The following DPF3 variants were observed in gnomAD, a reference collection of about 807,000 sequenced individuals.
The protein encoded by DPF3 is zinc finger protein DPF3.
Under a neutral mutation model 56.8 loss-of-function variants are expected in DPF3, and 18 were observed. The observed-to-expected ratio is 0.32, with a 90% CI of 0.22 to 0.47. The LOEUF (loss-of-function observed/expected upper bound fraction) is 0.47, where lower values mean the gene tolerates loss of function less well. Among genes scored for constraint, DPF3 ranks in the 20% least tolerant of loss-of-function variants. DPF3 has a pLI of 1.00. For missense variants in DPF3, 403 were observed against 488.8 expected (o/e 0.82, Z 1.65); for synonymous variants, 188 against 180.2 (o/e 1.04, Z -0.35).
At chr14:72,679,895 C>T (rs1412571620) in intron 7 of DPF3, among the ~76,000 whole-genome samples, 2 of 152,144 alleles carry the variant, frequency 1.3e-5, no homozygotes, top group African/African-American at 4.8e-5. Flanking sequence ...GCTTGGGGGC[C>T]GGAGATGAGA....
intron 8 of DPF3, among the ~76,000 whole-genome samples, chr14:72,638,880 G>A (rs1367784851): frequency 6.6e-6 from 1 of 150,918 alleles, no homozygotes; most frequent in African/African-American, 2.4e-5. Context: ...GCAGTGGCGT[G>A]ATCTTGGCTC....
Position 72,617,945 on chromosome 14 carries a change from T to C in DPF3, c.*1352A>G, listed in dbSNP as rs1183114201. Among the ~76,000 whole-genome samples the C allele has an allele frequency of 2.0e-5, 3 of 152,084 alleles. No individual in the cohort carries two copies. The highest frequency in any genetic ancestry group is 1.3e-4 in the Admixed American group (2 of 15,266). ...GATTTTTCCAGAAATATGTCAGTTA[T>C]TGTGCTGCTGCTGCGATTCAAAGTC... is the stretch of plus-strand genomic sequence containing the variant. On this transcript the variant is annotated 3_prime_UTR_variant, in exon 11 of 11. Coordinates refer to ENST00000556509, the MANE Select transcript of DPF3 (RefSeq NM_001280542.3).
At chr14:72,767,680 A>C (rs1805637294) in intron 2 of DPF3, among the ~76,000 whole-genome samples, 1 of 149,874 alleles carries the variant, frequency 6.7e-6, no homozygotes, top group South Asian at 2.2e-4. Flanking sequence ...GTGTTGTTGA[A>C]GTCCGAGAAG....
At position 72,796,038 on chromosome 14, in the gene DPF3, G is replaced by A. The variant is rs8021035; in HGVS notation, c.33-24145C>T. 1.0e-2 allele frequency among the ~76,000 whole-genome samples: 1,522 copies of A among 152,326 alleles called. 27 individuals are homozygous for A. Among genetic ancestry groups the A allele is most frequent in the African/African-American group, 0.035 (1,449 of 41,572 alleles). ...AAACTGAGGCTAGGACCAAAGGAAC[G>A]AAGACTTTATCTTACATGAATCATT... On this transcript the variant is annotated intron_variant, in intron 1 of 10. Coordinates refer to ENST00000556509, the MANE Select transcript of DPF3 (RefSeq NM_001280542.3).
chr14:72,664,097 C>T (rs1886343335), intron 8 of DPF3, among the ~76,000 whole-genome samples: 1 of 152,138 alleles, frequency 6.6e-6, no homozygotes, highest in African/African-American at 2.4e-5. Context: ...CTGCCTCTAG[C>T]TCCTTCCCTT....
At chr14:72,737,121 C>G (rs748762407) in intron 3 of DPF3, among the ~76,000 whole-genome samples, 5 of 151,380 alleles carry the variant, frequency 3.3e-5, no homozygotes, top group Non-Finnish European at 7.4e-5. Context: ...AAGAAAAAAC[C>G]TCCGAGACAA....
rs1297031355 is a variant in DPF3, at chr14:72,861,783, G to GAA, written c.32+32272_32+32273dup. ...AGAAAGAAAGAAAGAAAGAAAGAAA[G>GAA]AAAGAAAGAAAGAAAGAAAGAAGGA... On this transcript the variant is annotated intron_variant, in intron 1 of 10. Transcript: ENST00000556509. Among the ~76,000 whole-genome samples, 7 of 149,750 alleles carry GAA rather than the reference G, an allele frequency of 4.7e-5. 1 individual carries two copies. In the South Asian group the frequency reaches 1.3e-3, roughly 27 times the overall value.
rs1009580234 is a variant in DPF3, at chr14:72,762,372, T to C, written c.194-9001A>G. ...TGGGGTTTATCCTAGGAATGTAATGTTGGTTTAACATTCAGAAATCAATCA... is the reference window on the plus strand; with the variant it reads ...TGGGGTTTATCCTAGGAATGTAATGCTGGTTTAACATTCAGAAATCAATCA... On this transcript the variant is annotated intron_variant, in intron 2 of 10. Transcript: ENST00000556509. 5.9e-5 allele frequency among the ~76,000 whole-genome samples: 9 copies of C among 151,932 alleles called. No individual in the cohort carries two copies. In the East Asian group the frequency reaches 1.2e-3, roughly 19 times the overall value.
intron 1 of DPF3, among the ~76,000 whole-genome samples, chr14:72,864,148 A>G (rs1361531145): frequency 9.2e-6 from 1 of 108,476 alleles, no homozygotes; most frequent in South Asian, 3.0e-4. Flanking sequence ...ACCCACCCCC[A>G]TACACACTCC....
chr14:72,664,221 T>G (rs1886348995), intron 8 of DPF3, among the ~76,000 whole-genome samples: 1 of 152,054 alleles, frequency 6.6e-6, no homozygotes, highest in South Asian at 2.1e-4. Flanking sequence ...TTTCTGTCCC[T>G]CTCCCAGTGC....
At chr14:72,755,623 T>C (rs1890759155) in intron 2 of DPF3, among the ~76,000 whole-genome samples, 2 of 152,302 alleles carry the variant, frequency 1.3e-5, no homozygotes, top group Admixed American at 1.3e-4. Context: ...AGATGACAAA[T>C]GTCAGTTGTT....
chr14:72,879,337 A>G (rs1886235467), intron 1 of DPF3, among the ~76,000 whole-genome samples: 1 of 151,380 alleles, frequency 6.6e-6, no homozygotes, highest in Non-Finnish European at 1.5e-5. Flanking sequence ...GAGCCGCACC[A>G]CTGCACTCCA....
At chr14:72,864,233 C>T (rs553184011) in intron 1 of DPF3, among the ~76,000 whole-genome samples, 2 of 152,172 alleles carry the variant, frequency 1.3e-5, no homozygotes, top group South Asian at 2.1e-4. Context: ...CTTCTCCTCC[C>T]GACAAATGCC....
At chr14:72,647,080 G>A (rs1885749136) in intron 8 of DPF3, among the ~76,000 whole-genome samples, 1 of 152,200 alleles carries the variant, frequency 6.6e-6, no homozygotes, top group African/African-American at 2.4e-5. Context: ...CTCATCCTGA[G>A]TCAGCCTTGC....
intron 8 of DPF3, chr14:72,671,331 C>A (rs1886666115): frequency 6.2e-7 from 1 of 1,613,962 alleles, no homozygotes; most frequent in Non-Finnish European, 8.5e-7. Context: ...CTTCTCCTCC[C>A]AAATGAGCTG....
intron 8 of DPF3, chr14:72,674,033 C>T (rs1002742543): frequency 2.9e-6 from 2 of 691,590 alleles, no homozygotes; most frequent in Non-Finnish European, 4.5e-6. Flanking sequence ...CTTCTCTTTG[C>T]CCTTTCCCCC....
At chr14:72,835,734 G>A (rs758260084) in intron 1 of DPF3, among the ~76,000 whole-genome samples, 13 of 152,236 alleles carry the variant, frequency 8.5e-5, no homozygotes, top group African/African-American at 2.4e-4. Context: ...TGCTCGGGCC[G>A]CCTCGCCCAC....
intron 2 of DPF3, among the ~76,000 whole-genome samples, chr14:72,764,285 C>T (rs1891173890): frequency 2.0e-5 from 3 of 152,006 alleles, no homozygotes; most frequent in African/African-American, 7.2e-5. Flanking sequence ...CATGAAAATC[C>T]AAATGGACTA....
At chr14:72,851,425 G>C (rs1177439556) in intron 1 of DPF3, among the ~76,000 whole-genome samples, 1 of 152,182 alleles carries the variant, frequency 6.6e-6, no homozygotes, top group African/African-American at 2.4e-5. Flanking sequence ...GATCTTTCCA[G>C]TAAGTAGGTT....
Sources: gnomAD v4.1 joint callset for allele counts (sites outside exome capture counted in the v4.1 genomes callset) on GRCh38, gnomAD v4.1.1 for gene constraint, MANE v1.5 for transcripts, NCBI Gene and HGNC (gene_info 2026-07-23, HGNC 2026-07-21) for gene names.